Variants in MEF2C observed in about 807,000 individuals in gnomAD.
MEF2C encodes myocyte enhancer factor 2C.
Under a neutral mutation model 50.5 loss-of-function variants are expected in MEF2C, and 6 were observed. The ratio of observed to expected loss-of-function variants is 0.12; its 90% CI spans 0.07 to 0.23. The LOEUF (loss-of-function observed/expected upper bound fraction) is 0.23, where lower values mean the gene tolerates loss of function less well. Ranked by LOEUF, MEF2C falls within the 10% of genes least tolerant of loss-of-function variation. The probability of loss-of-function intolerance (pLI) is 1.00; values close to 1 mark genes in which losing one functional copy is unlikely to be tolerated. For missense variants in MEF2C, 276 were observed against 605.0 expected, an observed-to-expected ratio of 0.46 and a Z score of 5.70; for synonymous variants, 183 against 228.0, an observed-to-expected ratio of 0.80 and a Z score of 1.78.
At chr5:88,782,483 A>G (rs1356585626) in intron 3 of MEF2C, among the ~76,000 whole-genome samples, 3 of 152,022 alleles carry the variant, frequency 2.0e-5, no homozygotes, top group Non-Finnish European at 4.4e-5. Flanking sequence ...AAAAAATAAA[A>G]ACAAGCAAAA....
At chr5:88,751,368 A>C in intron 5 of MEF2C, 5 of 985,440 alleles carry the variant, frequency 5.1e-6, no homozygotes, top group Non-Finnish European at 3.6e-6. Flanking sequence ...CTATCTTATC[A>C]TATTTCCTTT....
At chr5:88,895,701 C>CA (rs2150282152) in intron 1 of MEF2C, among the ~76,000 whole-genome samples, 1 of 152,282 alleles carries the variant, frequency 6.6e-6, no homozygotes, top group Non-Finnish European at 1.5e-5. Flanking sequence ...TCCACTCACC[C>CA]AGCAGCAATT....
chr5:88,863,614 G>T (rs1826227146), intron 1 of MEF2C, among the ~76,000 whole-genome samples: 1 of 152,106 alleles, frequency 6.6e-6, no homozygotes, highest in African/African-American at 2.4e-5. Flanking sequence ...TTTTGTACCT[G>T]TTGACCTATG....
At chr5:88,738,234 G>C (rs1292106122) in intron 6 of MEF2C, 1 of 985,118 alleles carries the variant, frequency 1.0e-6, no homozygotes, top group Non-Finnish European at 1.2e-6. Context: ...GAGGCTCTCA[G>C]GTACTCATCT....
At chr5:88,744,105 T>C in intron 6 of MEF2C, 1 of 985,104 alleles carries the variant, frequency 1.0e-6, no homozygotes, top group Middle Eastern at 5.2e-4. Context: ...AAGGCAATCG[T>C]ATTATCAAAG....
chr5:88,736,788 C>T (rs1401416773), intron 6 of MEF2C: 1 of 985,272 alleles, frequency 1.0e-6, no homozygotes, highest in Non-Finnish European at 1.2e-6. Context: ...AGTTGACACA[C>T]TCTATCTATG....
At chr5:88,784,708 CA>C (rs1789979059) in intron 3 of MEF2C, among the ~76,000 whole-genome samples, 1 of 152,124 alleles carries the variant, frequency 6.6e-6, no homozygotes, top group African/African-American at 2.4e-5. Context: ...CTGCATGGTA[CA>C]AATGACTCAA....
chr5:88,791,411 T>C (rs1271044362), intron 3 of MEF2C, among the ~76,000 whole-genome samples: 3 of 152,150 alleles, frequency 2.0e-5, no homozygotes, highest in Admixed American at 6.5e-5. Context: ...TAAAAGTCTA[T>C]ATTTTGAACC....
At chr5:88,834,296 G>A (rs1192818013) in intron 1 of MEF2C, among the ~76,000 whole-genome samples, 1 of 152,132 alleles carries the variant, frequency 6.6e-6, no homozygotes, top group African/African-American at 2.4e-5. Context: ...TCTGATTGTA[G>A]ATTTCAGGTT....
intron 3 of MEF2C, chr5:88,785,407 A>C (rs1790395837): frequency 6.6e-6 from 1 of 152,126 alleles, no homozygotes; most frequent in Non-Finnish European, 1.5e-5. Flanking sequence ...AGTAGTTTCT[A>C]CATCATTTTA....
At position 88,765,199 on chromosome 5, in the gene MEF2C, A is replaced by G. The variant is rs144365985; in HGVS notation, c.259-3871T>C. 6.1e-3 allele frequency among the ~76,000 whole-genome samples: 922 copies of G among 152,366 alleles called. 1 individual carries two copies. Among genetic ancestry groups the G allele is most frequent in the Non-Finnish European group, 9.3e-3 (630 of 68,028 alleles). On this transcript the variant is annotated intron_variant, in intron 3 of 10. Transcript: ENST00000504921. ...CAAGTTAAATTGTGTTATTTAAAAAAGAGCATTTTGAGATATACAAACACA... is the reference window on the plus strand; with the variant it reads ...CAAGTTAAATTGTGTTATTTAAAAAGGAGCATTTTGAGATATACAAACACA...
At chr5:88,733,139 G>A in intron 6 of MEF2C, 12 of 985,322 alleles carry the variant, frequency 1.2e-5, no homozygotes, top group Non-Finnish European at 1.4e-5. Flanking sequence ...CGGGAGAGAA[G>A]AGGTGATCCA....
At chr5:88,780,985 T>C in intron 3 of MEF2C, 1 of 968,822 alleles carries the variant, frequency 1.0e-6, no homozygotes, top group Non-Finnish European at 1.2e-6. Context: ...TAAGAGAACT[T>C]GGGCAAGCCC....
chr5:88,856,508 A>G (rs943606443), intron 1 of MEF2C, among the ~76,000 whole-genome samples: 1 of 152,220 alleles, frequency 6.6e-6, no homozygotes, highest in Non-Finnish European at 1.5e-5. Flanking sequence ...AAATGTCTCC[A>G]GGGCATGTCA....
At chr5:88,754,265 T>C (rs528327459) in intron 4 of MEF2C, among the ~76,000 whole-genome samples, 153 of 152,300 alleles carry the variant, frequency 1.0e-3, no homozygotes, top group African/African-American at 3.5e-3. Flanking sequence ...GAAGACCCCA[T>C]CTCTTTTTGA....
chr5:88,797,262 G>A (rs2153011706), intron 3 of MEF2C, among the ~76,000 whole-genome samples: 1 of 152,168 alleles, frequency 6.6e-6, no homozygotes, highest in Non-Finnish European at 1.5e-5. Flanking sequence ...GGGAATCTAA[G>A]TCTCTTTTTA....
At chr5:88,815,711 T>C (rs902635475) in intron 2 of MEF2C, among the ~76,000 whole-genome samples, 22 of 152,070 alleles carry the variant, frequency 1.4e-4, no homozygotes, top group Admixed American at 1.4e-3. Context: ...AAAAATACCC[T>C]AATAATTTTT....
intron 1 of MEF2C, among the ~76,000 whole-genome samples, chr5:88,858,586 C>A (rs1367581813): frequency 1.3e-5 from 2 of 152,092 alleles, no homozygotes; most frequent in Admixed American, 1.3e-4. Context: ...TGGGACCCAC[C>A]CACCTATGTC....
At chr5:88,826,893 AAAT>A (rs887254137) in intron 1 of MEF2C, 3 of 143,576 alleles carry the variant, frequency 2.1e-5, no homozygotes, top group Non-Finnish European at 4.4e-5. Flanking sequence ...AGCTACATAT[AAAT>A]AATCACTAAT....
Sources: allele counts gnomAD v4.1 joint callset (sites outside exome capture counted in the v4.1 genomes callset), GRCh38; gene constraint gnomAD v4.1.1; transcripts MANE v1.5; gene names NCBI Gene and HGNC (gene_info 2026-07-23, HGNC 2026-07-21).